The following ARMC2 variants were observed in gnomAD, a reference collection of about 807,000 sequenced individuals.
ARMC2 encodes the protein armadillo repeat-containing protein 2.
ARMC2 carries 67 observed loss-of-function variants against 90.3 expected under a neutral mutation model. The ratio of observed to expected loss-of-function variants is 0.74; its 90% CI spans 0.61 to 0.91. The LOEUF is 0.91. Ranked by LOEUF, ARMC2 falls within the 40% of genes least tolerant of loss-of-function variation. The pLI, the probability that ARMC2 is intolerant of heterozygous loss-of-function variation, is 0.00. For missense variants in ARMC2, 920 were observed against 1,030.9 expected, an observed-to-expected ratio of 0.89 and a Z score of 1.47; for synonymous variants, 393 against 393.0, an observed-to-expected ratio of 1.00 and a Z score of 0.00.
chr6:108,969,356 C>T (rs1342970157), intron 17 of ARMC2, among the ~76,000 whole-genome samples: 1 of 152,200 alleles, frequency 6.6e-6, no homozygotes, highest in Non-Finnish European at 1.5e-5. Flanking sequence ...ATAGATGCTG[C>T]AGGACACAAA....
At chr6:108,992,795 GA>G in the ARMC2 span, 1 of 1,609,702 alleles carries the variant, frequency 6.2e-7, no homozygotes, top group Non-Finnish European at 8.5e-7. Context: ...ACCTGGACAC[GA>G]AATGTTGGAA....
At chr6:108,887,896 C>T (rs1770525710) in intron 5 of ARMC2, among the ~76,000 whole-genome samples, 2 of 152,154 alleles carry the variant, frequency 1.3e-5, no homozygotes, top group Non-Finnish European at 2.9e-5. Flanking sequence ...GAATGCTTTG[C>T]CAAATGCGGC....
At chr6:109,036,042 C>CA in the ARMC2 span, among the ~76,000 whole-genome samples, 1 of 152,166 alleles carries the variant, frequency 6.6e-6, no homozygotes, top group South Asian at 2.1e-4. Context: ...CAAGACTCCC[C>CA]ACCATTCTTT....
chr6:108,958,873 C>A lies in ARMC2; in HGVS notation c.1916-2699C>A, dbSNP rs1222673220. Among the ~76,000 whole-genome samples, 3 of 152,154 alleles carry A rather than the reference C, an allele frequency of 2.0e-5. No individual in the cohort carries two copies. In the East Asian group the frequency reaches 5.8e-4, roughly 29 times the overall value. ...TACTTTACCATCAAGGAAACTGAGGCCCAAGGAGGTTAAATAATTTGAGTA... is the reference window on the plus strand; with the variant it reads ...TACTTTACCATCAAGGAAACTGAGGACCAAGGAGGTTAAATAATTTGAGTA... On this transcript the variant is annotated intron_variant, in intron 13 of 17. Transcript: ENST00000392644.
At position 108,970,494 on chromosome 6, in the gene ARMC2, C is replaced by CTTTTTT. The variant is rs1156823883; in HGVS notation, c.2447-2847_2447-2842dup. Among the ~76,000 whole-genome samples, 623 of 117,286 alleles carry CTTTTTT rather than the reference C, an allele frequency of 5.3e-3. 2 individuals are homozygous for CTTTTTT. Among genetic ancestry groups the CTTTTTT allele is most frequent in the Non-Finnish European group, 8.3e-3 (465 of 56,204 alleles). 76.9% of individuals were successfully genotyped at this position (117,286 alleles called of 152,430 possible). A position where few individuals can be genotyped will look rare whatever the true frequency, so the allele number is the denominator to read the frequency against. ...CTTTCTTTTCTTTTTCTTCTCTTTT[C>CTTTTTT]TTTTTTTTTTTTTTTTTTTTTGAGA... On this transcript the variant is annotated intron_variant, in intron 17 of 17. Transcript: ENST00000392644.
rs191627258 is a variant in ARMC2 at position 108,932,055 on chromosome 6, G to A, written c.1496+3822G>A. On this transcript the variant is annotated intron_variant, in intron 11 of 17. Coordinates refer to ENST00000392644, the MANE Select transcript of ARMC2 (RefSeq NM_032131.6). ...GCTGGGATTATAGGCGTGAGCCACCGCACCTGGCCCTTTGCCCACTTTTTG... is the reference window on the plus strand; with the variant it reads ...GCTGGGATTATAGGCGTGAGCCACCACACCTGGCCCTTTGCCCACTTTTTG... 1.3e-4 allele frequency among the ~76,000 whole-genome samples: 19 copies of A among 151,868 alleles called. No individual in the cohort carries two copies. The East Asian group carries it at 2.9e-3, about 23-fold the overall frequency.
At chr6:108,981,048 A>G in the ARMC2 span, among the ~76,000 whole-genome samples, 1 of 151,966 alleles carries the variant, frequency 6.6e-6, no homozygotes, top group Non-Finnish European at 1.5e-5. Flanking sequence ...TGGTAGATTC[A>G]CTCCAACAGA....
chr6:108,981,626 TC>T, the ARMC2 span, among the ~76,000 whole-genome samples: 1 of 152,086 alleles, frequency 6.6e-6, no homozygotes, highest in Non-Finnish European at 1.5e-5. Context: ...TCAAGGTTCA[TC>T]CATGTTGTTG....
the ARMC2 span, among the ~76,000 whole-genome samples, chr6:109,032,068 G>A: frequency 6.6e-6 from 1 of 152,126 alleles, no homozygotes; most frequent in Non-Finnish European, 1.5e-5. Context: ...TCGAGAGTTT[G>A]AGACCAGCCT....
chr6:108,883,652 TAG>T (rs1179006809), intron 5 of ARMC2, among the ~76,000 whole-genome samples: 4 of 152,262 alleles, frequency 2.6e-5, no homozygotes, highest in African/African-American at 9.6e-5. Flanking sequence ...TTCTTAACTT[TAG>T]AGAGATCTTT....
At chr6:109,012,300 T>C in the ARMC2 span, among the ~76,000 whole-genome samples, 1 of 151,558 alleles carries the variant, frequency 6.6e-6, no homozygotes, top group Non-Finnish European at 1.5e-5. Context: ...TGGAGTGCAG[T>C]GGTACGAACT....
At chr6:108,855,951 A>G (rs1313750543) in intron 2 of ARMC2, among the ~76,000 whole-genome samples, 1 of 152,208 alleles carries the variant, frequency 6.6e-6, no homozygotes, top group African/African-American at 2.4e-5. Flanking sequence ...TTTGGATAAC[A>G]ATTCATTATC....
intron 8 of ARMC2, among the ~76,000 whole-genome samples, chr6:108,905,964 T>C (rs903635987): frequency 6.6e-6 from 1 of 152,164 alleles, no homozygotes; most frequent in Non-Finnish European, 1.5e-5. Flanking sequence ...GCTTAGGCCT[T>C]GGTGATGCGG....
chr6:108,947,467 C>A (rs1002214778), intron 12 of ARMC2, among the ~76,000 whole-genome samples: 73 of 152,264 alleles, frequency 4.8e-4, no homozygotes, highest in African/African-American at 1.8e-3. Context: ...CAATGTCTCT[C>A]CCATGGAAAG....
intron 10 of ARMC2, among the ~76,000 whole-genome samples, chr6:108,918,721 G>A (rs2128478221): frequency 6.6e-6 from 1 of 152,298 alleles, no homozygotes; most frequent in East Asian, 1.9e-4. Context: ...TACCCTCTGA[G>A]CCTCAGTTTC....
At chr6:109,020,680 T>C in the ARMC2 span, among the ~76,000 whole-genome samples, 2 of 152,148 alleles carry the variant, frequency 1.3e-5, no homozygotes, top group Admixed American at 1.3e-4. Context: ...TTTTCAAGAG[T>C]TACAGATTTC....
chr6:109,033,913 G>A, the ARMC2 span, among the ~76,000 whole-genome samples: 59 of 152,304 alleles, frequency 3.9e-4, no homozygotes, highest in Non-Finnish European at 4.4e-4. Flanking sequence ...GTAAAGAAGC[G>A]GAGGCAAGGC....
chr6:108,877,810 G>C (rs1777083682), intron 5 of ARMC2, among the ~76,000 whole-genome samples: 1 of 152,238 alleles, frequency 6.6e-6, no homozygotes, highest in Admixed American at 6.5e-5. Flanking sequence ...TTCTGGGACA[G>C]CAGGGGCATT....
intron 5 of ARMC2, among the ~76,000 whole-genome samples, chr6:108,889,491 A>G (rs1562355682): frequency 6.7e-6 from 1 of 150,038 alleles, no homozygotes; most frequent in Non-Finnish European, 1.5e-5. Context: ...CCCAAGCTGG[A>G]ATGCAATGGC....
Sources: allele counts gnomAD v4.1 joint callset (sites outside exome capture counted in the v4.1 genomes callset), GRCh38; gene constraint gnomAD v4.1.1; transcripts MANE v1.5; gene names NCBI Gene and HGNC (gene_info 2026-07-23, HGNC 2026-07-21).